The following TMEM150C variants were observed in gnomAD, a reference collection of about 807,000 sequenced individuals.
TMEM150C encodes transmembrane protein 150C.
Under a neutral mutation model 29.9 loss-of-function variants are expected in TMEM150C, and 10 were observed. The ratio of observed to expected loss-of-function variants is 0.33; its 90% CI spans 0.21 to 0.57. TMEM150C has a LOEUF of 0.57. Among genes scored for constraint, TMEM150C ranks in the 20% least tolerant of loss-of-function variants. The pLI, the probability that TMEM150C is intolerant of heterozygous loss-of-function variation, is 0.88. For synonymous variants in TMEM150C, 101 were observed against 112.5 expected, an observed-to-expected ratio of 0.90 and a Z score of 0.64; for missense variants, 251 against 303.6, an observed-to-expected ratio of 0.83 and a Z score of 1.29.
chr4:82,520,651 A>C (rs1428218515), intron 1 of TMEM150C, among the ~76,000 whole-genome samples: 1 of 152,198 alleles, frequency 6.6e-6, no homozygotes, highest in Non-Finnish European at 1.5e-5. Context: ...ACCAGCACGG[A>C]GGTGGGTGCA....
intron 1 of TMEM150C, among the ~76,000 whole-genome samples, chr4:82,551,252 T>C (rs1297329937): frequency 2.0e-5 from 3 of 152,188 alleles, no homozygotes; most frequent in Non-Finnish European, 4.4e-5. Flanking sequence ...TTCTTTACCA[T>C]GATTTTTTTT....
intron 6 of TMEM150C, among the ~76,000 whole-genome samples, chr4:82,491,924 T>A (rs572975849): frequency 6.6e-6 from 1 of 151,040 alleles, no homozygotes; most frequent in South Asian, 2.1e-4. Flanking sequence ...CTATGTAATG[T>A]GACTAATTCT....
intron 1 of TMEM150C, among the ~76,000 whole-genome samples, chr4:82,536,652 G>GGATC (rs1327120782): frequency 6.6e-6 from 1 of 151,992 alleles, no homozygotes; most frequent in Non-Finnish European, 1.5e-5. Flanking sequence ...AGAGGTGGGA[G>GGATC]GATCGCTTAA....
intron 5 of TMEM150C, among the ~76,000 whole-genome samples, chr4:82,502,357 TC>T (rs1310229871): frequency 6.6e-6 from 1 of 152,228 alleles, no homozygotes; most frequent in African/African-American, 2.4e-5. Context: ...TGCATTTTTT[TC>T]ATCTTTGCTA....
At chr4:82,531,412 A>G (rs894415651) in intron 1 of TMEM150C, among the ~76,000 whole-genome samples, 1 of 152,136 alleles carries the variant, frequency 6.6e-6, no homozygotes, top group Non-Finnish European at 1.5e-5. Context: ...GGATGGAGCC[A>G]AGGAGAACAC....
At chr4:82,509,055 A>G (rs904152684) in intron 1 of TMEM150C, among the ~76,000 whole-genome samples, 1 of 152,154 alleles carries the variant, frequency 6.6e-6, no homozygotes, top group Non-Finnish European at 1.5e-5. Flanking sequence ...AACTCTTCCT[A>G]AAGAGCCAAT....
chr4:82,504,346 G>A (rs1266686373), intron 2 of TMEM150C, among the ~76,000 whole-genome samples: 1 of 152,098 alleles, frequency 6.6e-6, no homozygotes, highest in East Asian at 1.9e-4. Context: ...TGGGATTACA[G>A]GCGTGTGCCA....
At chr4:82,503,853 A>C (rs764481337) in intron 2 of TMEM150C, among the ~76,000 whole-genome samples, 16 of 152,120 alleles carry the variant, frequency 1.1e-4, no homozygotes, top group Non-Finnish European at 1.9e-4. Context: ...CGTCTCAAAA[A>C]AAAAACAAAA....
chr4:82,491,656 C>A lies in TMEM150C; in HGVS notation c.364-1418G>T, dbSNP rs569946749. 9.8e-5 allele frequency: 51 copies of A among 521,920 alleles called. 1 individual carries two copies. The highest frequency in any genetic ancestry group is 9.3e-4 in the African/African-American group (48 of 51,362). The allele number at this position is 521,920 out of a possible 1,614,324, so 32.3% of individuals were successfully genotyped here. On this transcript the variant is annotated intron_variant, in intron 6 of 7. Coordinates refer to ENST00000449862, the MANE Select transcript of TMEM150C (RefSeq NM_001080506.3). ...AGCACCTTTGGCAGCAGGAGGAGAGCGCTAATTTTTTATTTTTTTTATTTT... is the reference window on the plus strand; with the variant it reads ...AGCACCTTTGGCAGCAGGAGGAGAGAGCTAATTTTTTATTTTTTTTATTTT...
intron 1 of TMEM150C, among the ~76,000 whole-genome samples, chr4:82,522,269 C>A (rs1168194713): frequency 1.3e-5 from 2 of 152,088 alleles, no homozygotes; most frequent in African/African-American, 4.8e-5. Context: ...AATCCACAAG[C>A]GACCAAAGTG....
intron 1 of TMEM150C, among the ~76,000 whole-genome samples, chr4:82,525,806 G>A (rs974510341): frequency 6.6e-6 from 1 of 152,128 alleles, no homozygotes; most frequent in Non-Finnish European, 1.5e-5. Flanking sequence ...TCCCTGGGTT[G>A]TAAAACCGTC....
chr4:82,486,317 C>T (rs1006497601), intron 7 of TMEM150C, among the ~76,000 whole-genome samples: 66 of 107,770 alleles, frequency 6.1e-4, no homozygotes, highest in African/African-American at 2.3e-3. Flanking sequence ...GGCTGGTGGA[C>T]AGAGCGAGAC....
In TMEM150C at chr4:82,496,279, T is replaced by C. The variant is rs902801556; in HGVS notation, c.236-84A>G. On this transcript the variant is annotated intron_variant, in intron 5 of 7. Coordinates refer to ENST00000449862, the MANE Select transcript of TMEM150C (RefSeq NM_001080506.3). ...GGCAGAATTCTATTATTATTATTTT[T>C]TTATGCTGCACTATTTTCTTAGGTA... 5.9e-6 allele frequency: 8 copies of C among 1,349,232 alleles called. No homozygotes were observed. The African/African-American group carries it at 1.2e-4, about 20-fold the overall frequency. The allele number at this position is 1,349,232 out of a possible 1,614,324, so 83.6% of individuals were successfully genotyped here.
chr4:82,494,961 T>C (rs574141707), intron 6 of TMEM150C: 2 of 629,688 alleles, frequency 3.2e-6, no homozygotes, highest in South Asian at 3.4e-5. Context: ...AAGTTTAGCA[T>C]ATTCTGCAGC....
chr4:82,520,093 C>G (rs1175391342), intron 1 of TMEM150C, among the ~76,000 whole-genome samples: 1 of 152,160 alleles, frequency 6.6e-6, no homozygotes, highest in Non-Finnish European at 1.5e-5. Flanking sequence ...AGACAGTGGA[C>G]CTGGGCAGAC....
In TMEM150C at chr4:82,485,698, C is replaced by A. The variant is rs1246107557; in HGVS notation, c.563G>T (p.Ser188Ile). Residue 188 changes from serine (S) to isoleucine (I), a missense_variant, in exon 8 of 8, where the codon AGC becomes ATC. Physicochemically the swap from Ser to Ile is moderately radical, Grantham distance 142. Coordinates refer to ENST00000449862, the MANE Select transcript of TMEM150C (RefSeq NM_001080506.3). ...VVLYFILMAQ[S>I]IHMYAARVQW... ...GACCCTGGCTGCATACATGTGGATGCTTTGGGCCATGAGGATGAAGTCTGG... is the reference window on the plus strand; with the variant it reads ...GACCCTGGCTGCATACATGTGGATGATTTGGGCCATGAGGATGAAGTCTGG... 25 of 1,607,542 alleles carry A rather than the reference C, an allele frequency of 1.6e-5. No individual in the cohort carries two copies. Among genetic ancestry groups the A allele is most frequent in the Non-Finnish European group, 2.1e-5 (25 of 1,177,302 alleles).
upstream of TMEM150C, chr4:82,562,235 C>G: frequency 1.6e-6 from 2 of 1,283,834 alleles, no homozygotes; most frequent in South Asian, 2.5e-5. Flanking sequence ...TTGCCTGGCG[C>G]TCCTCATCCA....
intron 1 of TMEM150C, chr4:82,509,698 G>C (rs1724055373): frequency 6.6e-6 from 1 of 152,202 alleles, no homozygotes; most frequent in Non-Finnish European, 1.5e-5. Flanking sequence ...AGGAGGCTAA[G>C]GCAGGAGAAT....
At chr4:82,547,592 TAAA>T (rs138450937) in intron 1 of TMEM150C, among the ~76,000 whole-genome samples, 1 of 133,160 alleles carries the variant, frequency 7.5e-6, no homozygotes, top group African/African-American at 2.7e-5. Flanking sequence ...GTCTCAAAAA[TAAA>T]AAAAAAAGAA....
Sources: allele counts gnomAD v4.1 joint callset (sites outside exome capture counted in the v4.1 genomes callset), GRCh38; gene constraint gnomAD v4.1.1; transcripts MANE v1.5; gene names NCBI Gene and HGNC (gene_info 2026-07-23, HGNC 2026-07-21).